DACH2: variants seen among roughly 807,000 people sequenced by gnomAD.
DACH2 encodes dachshund family transcription factor 2, also known as dachshund homolog 2.
DACH2 carries 17 observed loss-of-function variants against 35.8 expected under a neutral mutation model. The ratio of observed to expected loss-of-function variants is 0.48; its 90% CI spans 0.33 to 0.71. DACH2 has a LOEUF of 0.71. DACH2 is among the 30% of genes least tolerant of loss of function. The pLI is 0.02. For missense variants in DACH2, 469 were observed against 472.7 expected, an observed-to-expected ratio of 0.99 and a Z score of 0.07; for synonymous variants, 195 against 177.3, an observed-to-expected ratio of 1.10 and a Z score of -0.79.
At chrX:86,402,742 A>T (rs7063834) in intron 2 of DACH2, among the ~76,000 whole-genome samples, 4 of 111,960 alleles carry the variant, frequency 3.6e-5, no homozygotes, top group Non-Finnish European at 7.5e-5. Context: ...CTGAGCAAAA[A>T]GAACAAAACC....
intron 1 of DACH2, among the ~76,000 whole-genome samples, chrX:86,254,807 T>TATATATAGAGAGAGAGAG (rs1380613474): frequency 1.0e-4 from 5 of 49,650 alleles, no homozygotes; most frequent in African/African-American, 4.7e-4. Flanking sequence ...TATATATATA[T>TATATATAGAGAGAGAGAG]AGAGAGAGAG....
At chrX:86,816,131 T>C (rs1260607162) in intron 11 of DACH2, 32 bp downstream of exon 11, 3 of 1,039,956 alleles carry the variant, frequency 2.9e-6, no homozygotes, top group Non-Finnish European at 3.9e-6. Flanking sequence ...TTTCTTTGAC[T>C]GCTTAATATG....
At chrX:86,793,436 G>A (rs753136047) in intron 7 of DACH2, among the ~76,000 whole-genome samples, 7 of 111,242 alleles carry the variant, frequency 6.3e-5, no homozygotes, top group African/African-American at 2.3e-4. Flanking sequence ...TACACTCTTT[G>A]GGATAAAGGA....
intron 2 of DACH2, among the ~76,000 whole-genome samples, chrX:86,476,201 G>T (rs2037840644): frequency 8.9e-6 from 1 of 111,786 alleles, no homozygotes; most frequent in South Asian, 3.7e-4. Flanking sequence ...GAATGAGTTT[G>T]GAGGTGTTCC....
chrX:86,770,095 G>T (rs1458726215), intron 7 of DACH2, among the ~76,000 whole-genome samples: 1 of 110,678 alleles, frequency 9.0e-6, no homozygotes, highest in Non-Finnish European at 1.9e-5. Flanking sequence ...TTTATATGGA[G>T]AATACAGAGT....
intron 7 of DACH2, among the ~76,000 whole-genome samples, chrX:86,764,023 C>A: frequency 9.0e-6 from 1 of 111,259 alleles, no homozygotes; most frequent in Middle Eastern, 4.6e-3. Context: ...TGTATTCCAA[C>A]CTAATAATAA....
rs916141083 is a variant in DACH2 at position 86,458,989 on chromosome X, G to A, written c.528-55290G>A. On this transcript the variant is annotated intron_variant, in intron 2 of 11. Transcript: ENST00000373125. ...CCCATGTAACAAAACTGCACGCTCT[G>A]CACATGTACCCCAGAACTTAAAGTA... 3.6e-5 allele frequency among the ~76,000 whole-genome samples: 4 copies of A among 110,774 alleles called. No individual in the cohort carries two copies. The East Asian group carries it at 1.1e-3, about 31-fold the overall frequency.
chrX:86,175,942 G>A (rs188382384), intron 1 of DACH2, among the ~76,000 whole-genome samples: 2 of 111,602 alleles, frequency 1.8e-5, no homozygotes, highest in African/African-American at 6.5e-5. Flanking sequence ...ACTTTAGTAT[G>A]ATTGCCAGGC....
chrX:86,316,663 G>A (rs2034913924), intron 1 of DACH2, among the ~76,000 whole-genome samples: 2 of 111,336 alleles, frequency 1.8e-5, no homozygotes, highest in African/African-American at 6.5e-5. Context: ...CTGCTGGAGG[G>A]AGGTGTTGTG....
Position 86,413,554 on chromosome X carries a change from G to T in DACH2, c.527+36692G>T, listed in dbSNP as rs180946356. On this transcript the variant is annotated intron_variant, in intron 2 of 11. Coordinates refer to ENST00000373125, the MANE Select transcript of DACH2 (RefSeq NM_053281.3). The stretch of plus-strand genomic sequence containing the variant: ...TCTTCTGCACAGGCCAAATGGGAAA[G>T]TTGAATAGGGATGTAGTGGGAATCA... 4.5e-5 allele frequency among the ~76,000 whole-genome samples: 5 copies of T among 112,160 alleles called. No homozygotes were observed. In the East Asian group the frequency reaches 1.1e-3, roughly 25 times the overall value.
At chrX:86,487,298 A>G (rs1381889080) in intron 2 of DACH2, among the ~76,000 whole-genome samples, 1 of 111,641 alleles carries the variant, frequency 9.0e-6, no homozygotes, top group Admixed American at 9.6e-5. Flanking sequence ...AGCCTATTAT[A>G]TATTCTTTCC....
At chrX:86,827,808 A>G (rs2042576395) in intron 11 of DACH2, 1 of 1,162,652 alleles carries the variant, frequency 8.6e-7, no homozygotes. Flanking sequence ...ATAGGCACGA[A>G]TAGGGTGCTG....
intron 2 of DACH2, among the ~76,000 whole-genome samples, chrX:86,495,404 A>G (rs1263411895): frequency 1.8e-5 from 2 of 108,867 alleles, no homozygotes; most frequent in Non-Finnish European, 3.8e-5. Context: ...TGTATTTTAC[A>G]ATTACACATC....
intron 1 of DACH2, among the ~76,000 whole-genome samples, chrX:86,357,647 G>A (rs1003211663): frequency 2.7e-5 from 3 of 111,995 alleles, no homozygotes; most frequent in Non-Finnish European, 5.6e-5. Flanking sequence ...ATTTTTCTGG[G>A]CTTATTCAAA....
At chrX:86,521,891 G>T (rs1057206394) in intron 3 of DACH2, among the ~76,000 whole-genome samples, 2 of 111,238 alleles carry the variant, frequency 1.8e-5, no homozygotes, top group Admixed American at 1.9e-4. Context: ...GATTAGAAAA[G>T]GTTCAGGCAT....
chrX:86,617,652 G>A (rs370829908), intron 3 of DACH2, among the ~76,000 whole-genome samples: 2 of 111,500 alleles, frequency 1.8e-5, no homozygotes, highest in Non-Finnish European at 3.8e-5. Flanking sequence ...GCATGCATAT[G>A]TTGACAAAAT....
At chrX:86,237,947 C>T (rs1057269155) in intron 1 of DACH2, among the ~76,000 whole-genome samples, 2 of 111,813 alleles carry the variant, frequency 1.8e-5, no homozygotes, top group Non-Finnish European at 3.8e-5. Context: ...CTGGGCTCCC[C>T]GAAGTGCCAC....
intron 2 of DACH2, among the ~76,000 whole-genome samples, chrX:86,383,151 C>A (rs1311750553): frequency 9.1e-6 from 1 of 110,278 alleles, no homozygotes; most frequent in Non-Finnish European, 1.9e-5. Flanking sequence ...ACTTAAAACA[C>A]AAGCTATCTC....
At chrX:86,714,426 A>G in intron 5 of DACH2, 122 bp from the exon 6 acceptor site, 1 of 472,252 alleles carries the variant, frequency 2.1e-6, no homozygotes, top group South Asian at 6.8e-5. Context: ...TGGCACAAGG[A>G]GACACTAAGA....
Sources: allele counts gnomAD v4.1 joint callset (sites outside exome capture counted in the v4.1 genomes callset), GRCh38; gene constraint gnomAD v4.1.1; transcripts MANE v1.5; gene names NCBI Gene and HGNC (gene_info 2026-07-23, HGNC 2026-07-21).